The following CNTN4 variants were observed in gnomAD, a reference collection of about 807,000 sequenced individuals.
CNTN4 encodes the protein contactin-4.
In CNTN4, 77 loss-of-function variants were observed where a neutral mutation model predicts 122.5. The ratio of observed to expected loss-of-function variants is 0.63; its 90% CI spans 0.52 to 0.76. The LOEUF (loss-of-function observed/expected upper bound fraction) is 0.76. Ranked by LOEUF, CNTN4 falls within the 30% of genes least tolerant of loss-of-function variation. CNTN4 has a pLI of 0.00. For synonymous variants in CNTN4, 512 were observed against 447.0 expected (o/e 1.15, Z -1.83); for missense variants, 1,256 against 1,259.1 (o/e 1.00, Z 0.04).
intron 1 of CNTN4, 41 bp from the exon 2 acceptor site, chr3:2,100,517 T>A (rs2031844252): frequency 6.6e-6 from 1 of 152,238 alleles, no homozygotes; most frequent in African/African-American, 2.4e-5. Flanking sequence ...CAAGTCTGCC[T>A]AATAGCAAGT....
intron 4 of CNTN4, among the ~76,000 whole-genome samples, chr3:2,699,936 T>C (rs2086266500): frequency 6.6e-6 from 1 of 152,010 alleles, no homozygotes; most frequent in African/African-American, 2.4e-5. Context: ...ACTGGGTGAG[T>C]TGATGAAGGA....
At chr3:2,509,705 A>T (rs2076829993) in intron 3 of CNTN4, among the ~76,000 whole-genome samples, 1 of 152,130 alleles carries the variant, frequency 6.6e-6, no homozygotes, top group South Asian at 2.1e-4. Flanking sequence ...TTTATTCCCT[A>T]AGACAATCAA....
chr3:2,682,605 A>G (rs2085220523), intron 4 of CNTN4, among the ~76,000 whole-genome samples: 1 of 152,190 alleles, frequency 6.6e-6, no homozygotes, highest in Admixed American at 6.5e-5. Context: ...ATACAGAAGC[A>G]AAGTGTATAA....
At chr3:2,982,346 A>T (rs1004716541) in intron 13 of CNTN4, among the ~76,000 whole-genome samples, 2 of 152,118 alleles carry the variant, frequency 1.3e-5, no homozygotes, top group African/African-American at 4.8e-5. Flanking sequence ...GAAAGATTGC[A>T]CTCTTCCTGT....
chr3:2,213,999 C>T (rs1457676690), intron 2 of CNTN4, among the ~76,000 whole-genome samples: 3 of 152,130 alleles, frequency 2.0e-5, no homozygotes, highest in Admixed American at 6.5e-5. Context: ...TTCATTGCAT[C>T]ATGTCATCTA....
intron 3 of CNTN4, among the ~76,000 whole-genome samples, chr3:2,343,445 C>T (rs1200462354): frequency 6.6e-6 from 1 of 152,158 alleles, no homozygotes; most frequent in Non-Finnish European, 1.5e-5. Flanking sequence ...AACTTTGTAA[C>T]TTCACTTCAG....
chr3:2,934,618 C>T (rs1482029426), intron 13 of CNTN4, among the ~76,000 whole-genome samples: 1 of 152,226 alleles, frequency 6.6e-6, no homozygotes, highest in Non-Finnish European at 1.5e-5. Flanking sequence ...TGTCTCTGTT[C>T]TGGAGGCAGA....
At chr3:2,103,987 A>C (rs1053312502) in intron 2 of CNTN4, among the ~76,000 whole-genome samples, 1 of 152,078 alleles carries the variant, frequency 6.6e-6, no homozygotes, top group Admixed American at 6.5e-5. Flanking sequence ...TCAACATTAA[A>C]GAGTGATTTT....
chr3:2,165,637 T>G (rs572554951), intron 2 of CNTN4, among the ~76,000 whole-genome samples: 1 of 152,278 alleles, frequency 6.6e-6, no homozygotes, highest in Non-Finnish European at 1.5e-5. Flanking sequence ...ATTCATTCAT[T>G]AGGTATCCAG....
chr3:3,026,567 A>T (rs1380707816), intron 15 of CNTN4, among the ~76,000 whole-genome samples: 1 of 152,096 alleles, frequency 6.6e-6, no homozygotes, highest in East Asian at 1.9e-4. Context: ...CCTCATAGCT[A>T]CTGAATTGTG....
At position 2,221,508 on chromosome 3, in the gene CNTN4, C is replaced by CA. The variant is rs1238897155; in HGVS notation, c.-144-117659dup. On this transcript the variant is annotated intron_variant, in intron 2 of 24. Transcript: ENST00000418658. ...GATTAGGCATTCTCTTGAGATAAGA[C>CA]AAAAAAAAAAAGACAAGTGACAAAA... is the stretch of plus-strand genomic sequence containing the variant. Among the ~76,000 whole-genome samples the CA allele has an allele frequency of 5.4e-3, 657 of 120,814 alleles. 2 individuals carry two copies. The highest frequency in any genetic ancestry group is 0.014 in the African/African-American group (444 of 32,802). The allele number at this position is 120,814 out of a possible 152,430, so 79.3% of individuals were successfully genotyped here.
At chr3:2,117,430 C>G (rs2033429852) in intron 2 of CNTN4, among the ~76,000 whole-genome samples, 1 of 152,116 alleles carries the variant, frequency 6.6e-6, no homozygotes, top group Admixed American at 6.5e-5. Flanking sequence ...CGCTGTCCTT[C>G]TGCATTTTTC....
intron 2 of CNTN4, among the ~76,000 whole-genome samples, chr3:2,205,320 C>G (rs1015345640): frequency 2.0e-5 from 3 of 148,946 alleles, no homozygotes; most frequent in Admixed American, 6.7e-5. Flanking sequence ...AGTATAATTA[C>G]TAATTTATTT....
chr3:2,138,452 C>A (rs1207666853), intron 2 of CNTN4, among the ~76,000 whole-genome samples: 1 of 152,072 alleles, frequency 6.6e-6, no homozygotes, highest in Non-Finnish European at 1.5e-5. Context: ...AATTTTAGGT[C>A]AACTTGACTG....
At chr3:2,816,680 G>C (rs2092739109) in intron 6 of CNTN4, among the ~76,000 whole-genome samples, 1 of 151,562 alleles carries the variant, frequency 6.6e-6, no homozygotes, top group Non-Finnish European at 1.5e-5. Context: ...AATTAGCTGG[G>C]CGTGGTGGTG....
At chr3:2,864,171 A>G (rs2093698971) in intron 7 of CNTN4, among the ~76,000 whole-genome samples, 1 of 152,222 alleles carries the variant, frequency 6.6e-6, no homozygotes, top group African/African-American at 2.4e-5. Flanking sequence ...TCGGTTGCTC[A>G]CCACTTACCT....
intron 2 of CNTN4, among the ~76,000 whole-genome samples, chr3:2,170,560 G>C (rs1001719696): frequency 6.6e-6 from 1 of 152,106 alleles, no homozygotes; most frequent in Non-Finnish European, 1.5e-5. Flanking sequence ...TAATCTGTAA[G>C]TTTACTGAAG....
chr3:2,238,745 T>TTTTTTTTTTTTTTTTTTTTG (rs1553606665), intron 2 of CNTN4: 1 of 109,140 alleles, frequency 9.2e-6, no homozygotes, highest in African/African-American at 3.6e-5. Context: ...GTTTTTTTTT[T>TTTTTTTTTTTTTTTTTTTTG]GAGACGGAGT....
chr3:2,467,901 T>C (rs2075558928), intron 3 of CNTN4, among the ~76,000 whole-genome samples: 1 of 152,178 alleles, frequency 6.6e-6, no homozygotes, highest in Non-Finnish European at 1.5e-5. Context: ...CCTCATACTT[T>C]TCAAAAGAGT....
Sources: gnomAD v4.1 joint callset for allele counts (sites outside exome capture counted in the v4.1 genomes callset) on GRCh38, gnomAD v4.1.1 for gene constraint, MANE v1.5 for transcripts, NCBI Gene and HGNC (gene_info 2026-07-23, HGNC 2026-07-21) for gene names.